The following SPATA16 variants were observed in gnomAD, a reference collection of about 807,000 sequenced individuals.
SPATA16 encodes spermatogenesis-associated protein 16.
SPATA16 carries 36 observed loss-of-function variants against 63.3 expected under a neutral mutation model. The ratio of observed to expected loss-of-function variants is 0.57; its 90% CI spans 0.44 to 0.75. The LOEUF (loss-of-function observed/expected upper bound fraction) is 0.75, where lower values mean the gene tolerates loss of function less well. Among genes scored for constraint, SPATA16 ranks in the 30% least tolerant of loss-of-function variants. The probability of loss-of-function intolerance (pLI) is 0.00; values close to 1 mark genes in which losing one functional copy is unlikely to be tolerated. For missense variants in SPATA16, 646 were observed against 679.3 expected (o/e 0.95, Z 0.54); for synonymous variants, 203 against 216.7 (o/e 0.94, Z 0.56).
chr3:172,994,926 A>C (rs2108262961), intron 4 of SPATA16, among the ~76,000 whole-genome samples: 1 of 152,246 alleles, frequency 6.6e-6, no homozygotes, highest in South Asian at 2.1e-4. Flanking sequence ...ATTTAAGTTT[A>C]GAACATGTTT....
chr3:173,056,406 C>G (rs16846505), intron 2 of SPATA16, among the ~76,000 whole-genome samples: 24,041 of 152,016 alleles, frequency 0.16, 2,138 homozygotes, highest in South Asian at 0.23. Context: ...ATGTATGTTG[C>G]TGACATGTAA....
intron 4 of SPATA16, among the ~76,000 whole-genome samples, chr3:173,013,103 C>G (rs1197903880): frequency 6.6e-6 from 1 of 151,972 alleles, no homozygotes; most frequent in Non-Finnish European, 1.5e-5. Context: ...AAAAATTAGG[C>G]AAAGAACATG....
At chr3:173,001,705 ATTC>A (rs1299512646) in intron 4 of SPATA16, among the ~76,000 whole-genome samples, 1 of 152,134 alleles carries the variant, frequency 6.6e-6, no homozygotes, top group Non-Finnish European at 1.5e-5. Context: ...GTAAGCTATT[ATTC>A]TTTGTATCTA....
At chr3:173,100,733 T>C (rs1737471581) in intron 2 of SPATA16, among the ~76,000 whole-genome samples, 2 of 150,522 alleles carry the variant, frequency 1.3e-5, no homozygotes, top group African/African-American at 4.9e-5. Context: ...TTATCAATTT[T>C]TACAATTAAT....
intron 5 of SPATA16, among the ~76,000 whole-genome samples, chr3:172,958,892 G>T (rs1231076251): frequency 6.6e-6 from 1 of 152,076 alleles, no homozygotes. Context: ...CCTGTTTAAA[G>T]ATTCTGTCTC....
intron 2 of SPATA16, among the ~76,000 whole-genome samples, chr3:173,105,225 A>T (rs1737590958): frequency 6.6e-6 from 1 of 152,238 alleles, no homozygotes; most frequent in Non-Finnish European, 1.5e-5. Flanking sequence ...TCCTGAACAC[A>T]TAGTTAACAT....
At chr3:172,927,358 T>C (rs1732762072) in intron 6 of SPATA16, among the ~76,000 whole-genome samples, 1 of 152,142 alleles carries the variant, frequency 6.6e-6, no homozygotes, top group Admixed American at 6.6e-5. Flanking sequence ...AAATTGAGAG[T>C]TAAAATATAT....
chr3:173,059,589 T>C (rs1736327017), intron 2 of SPATA16, among the ~76,000 whole-genome samples: 1 of 151,950 alleles, frequency 6.6e-6, no homozygotes, highest in Non-Finnish European at 1.5e-5. Context: ...CTATTATTTT[T>C]AAAAACTTTA....
At chr3:173,015,127 G>A (rs1007792424) in intron 4 of SPATA16, among the ~76,000 whole-genome samples, 32 of 147,954 alleles carry the variant, frequency 2.2e-4, no homozygotes, top group African/African-American at 5.8e-4. Context: ...GCAATGGCAC[G>A]ATCTCCACTC....
intron 2 of SPATA16, among the ~76,000 whole-genome samples, chr3:173,105,555 C>T (rs935051424): frequency 1.1e-4 from 17 of 152,178 alleles, no homozygotes; most frequent in African/African-American, 4.1e-4. Context: ...CTTTCCTCAT[C>T]CTTATTTTCC....
chr3:173,019,061 C>T (rs1735258574), intron 4 of SPATA16, among the ~76,000 whole-genome samples: 1 of 152,096 alleles, frequency 6.6e-6, no homozygotes, highest in South Asian at 2.1e-4. Context: ...CTCTAGCAAA[C>T]TTGGTGTTAT....
Position 173,022,434 on chromosome 3 carries a change from C to A in SPATA16, c.759-2859G>T, listed in dbSNP as rs758015605. Among the ~76,000 whole-genome samples, 64 of 152,036 alleles carry A rather than the reference C, an allele frequency of 4.2e-4. 1 individual carries two copies. The highest frequency in any genetic ancestry group is 1.2e-3 in the Admixed American group (19 of 15,258). ...ATTTGAGATGAAATATTTTATTTGG[C>A]AATTTATTATTTTTGACTTTTATAA... On this transcript the variant is annotated intron_variant, in intron 3 of 10. Transcript: ENST00000351008.
At chr3:172,945,568 T>G (rs986790096) in intron 6 of SPATA16, among the ~76,000 whole-genome samples, 2 of 152,144 alleles carry the variant, frequency 1.3e-5, no homozygotes, top group Non-Finnish European at 2.9e-5. Flanking sequence ...AGAGAGACTG[T>G]GTGCGTGGTG....
intron 4 of SPATA16, among the ~76,000 whole-genome samples, chr3:172,985,105 G>C (rs1454703869): frequency 6.6e-6 from 1 of 152,164 alleles, no homozygotes. Context: ...TGTGTGTAAT[G>C]CTATTGCCTG....
chr3:173,027,552 GCT>G (rs1735478282), intron 3 of SPATA16, among the ~76,000 whole-genome samples: 1 of 151,646 alleles, frequency 6.6e-6, no homozygotes, highest in Admixed American at 6.6e-5. Flanking sequence ...GAAAATTCTT[GCT>G]TTTTTTCTCT....
intron 2 of SPATA16, among the ~76,000 whole-genome samples, chr3:173,062,578 C>T (rs1736404859): frequency 6.6e-6 from 1 of 152,072 alleles, no homozygotes; most frequent in African/African-American, 2.4e-5. Flanking sequence ...ATAAGACTGA[C>T]TAACTTTTCA....
chr3:172,913,816 A>G, intron 9 of SPATA16, 72 bp from the exon 10 acceptor site: 1 of 1,322,060 alleles, frequency 7.6e-7, no homozygotes, highest in Non-Finnish European at 1.1e-6. Context: ...CACAGATTAA[A>G]ACCTAATTAA....
At chr3:173,094,912 C>T (rs1737316434) in intron 2 of SPATA16, among the ~76,000 whole-genome samples, 1 of 152,048 alleles carries the variant, frequency 6.6e-6, no homozygotes, top group African/African-American at 2.4e-5. Context: ...TAATGTGTGT[C>T]CTTTTTTTGG....
intron 3 of SPATA16, among the ~76,000 whole-genome samples, chr3:173,026,873 C>CT (rs571036215): frequency 1.3e-5 from 2 of 151,558 alleles, no homozygotes; most frequent in Admixed American, 6.6e-5. Flanking sequence ...CAACTTTGTT[C>CT]TTTTTTTTCC....
Sources: gnomAD v4.1 joint callset for allele counts (sites outside exome capture counted in the v4.1 genomes callset) on GRCh38, gnomAD v4.1.1 for gene constraint, MANE v1.5 for transcripts, NCBI Gene and HGNC (gene_info 2026-07-23, HGNC 2026-07-21) for gene names.